Variants in ANKRD46 observed in about 807,000 individuals in gnomAD.
ANKRD46 encodes ankyrin repeat domain-containing protein 46.
ANKRD46 carries 13 observed loss-of-function variants against 19.8 expected under a neutral mutation model. That is an observed-to-expected ratio of 0.66 (90% CI 0.43 to 1.04). The LOEUF (loss-of-function observed/expected upper bound fraction) is 1.04. ANKRD46 is among the 50% of genes least tolerant of loss of function. ANKRD46 has a pLI of 0.00. For missense variants in ANKRD46, 185 were observed against 274.8 expected (o/e 0.67, Z 2.31); for synonymous variants, 91 against 106.9 (o/e 0.85, Z 0.92).
At position 100,521,561 on chromosome 8, in the gene ANKRD46, A is replaced by C. The variant is rs1174277243; in HGVS notation, c.*994T>G. 1.0e-6 allele frequency: 1 copy of C among 985,334 alleles called. No individual in the cohort carries two copies. The allele number at this position is 985,334 out of a possible 1,614,324, so 61.0% of individuals were successfully genotyped here. A position where few individuals can be genotyped will look rare whatever the true frequency, so the allele number is the denominator to read the frequency against. ...AGCACTGTTAACTCAGAAATGCTCC[A>C]TCCATTCTTGCCATCAGAGAATTAC... On this transcript the variant is annotated 3_prime_UTR_variant, in exon 5 of 5. Transcript: ENST00000335659.
chr8:100,538,073 G>A (rs1332076508), intron 1 of ANKRD46, among the ~76,000 whole-genome samples: 6 of 152,144 alleles, frequency 3.9e-5, no homozygotes, highest in Non-Finnish European at 8.8e-5. Context: ...CTGGCTGACT[G>A]CAATGCCTGG....
intron 5 of ANKRD46, among the ~76,000 whole-genome samples, chr8:100,513,731 G>A (rs1407201355): frequency 1.3e-5 from 2 of 152,218 alleles, no homozygotes; most frequent in African/African-American, 2.4e-5. Context: ...CCAAACTTAA[G>A]TTATAGTGTA....
chr8:100,526,601 T>C (rs1166292790), intron 4 of ANKRD46, among the ~76,000 whole-genome samples: 3 of 152,200 alleles, frequency 2.0e-5, no homozygotes, highest in Non-Finnish European at 2.9e-5. Context: ...AAGAGGAGTA[T>C]GCACTGTTCC....
At chr8:100,552,434 T>C (rs1015929050) in intron 1 of ANKRD46, among the ~76,000 whole-genome samples, 2 of 152,022 alleles carry the variant, frequency 1.3e-5, no homozygotes, top group Non-Finnish European at 2.9e-5. Flanking sequence ...GAATTTAATA[T>C]ATTATTTTGA....
rs1811811147 is a variant in ANKRD46, at chr8:100,524,895, T to C, written c.471-2124A>G. On this transcript the variant is annotated intron_variant, in intron 4 of 4. Coordinates refer to ENST00000335659, the MANE Select transcript of ANKRD46 (RefSeq NM_001270377.2). The surrounding 1 kb of genome is among the most constrained non-coding windows in gnomAD (Gnocchi z 4.3). ...CTAACATAATGGGGTGTGTGTATAATCTTTTTTTAAAAACGTGATATCTAC... is the reference window on the plus strand; with the variant it reads ...CTAACATAATGGGGTGTGTGTATAACCTTTTTTTAAAAACGTGATATCTAC... Among the ~76,000 whole-genome samples the C allele has an allele frequency of 6.6e-6, 1 of 150,406 alleles. No homozygotes were observed.
At chr8:100,535,887 A>G (rs563989829) in intron 1 of ANKRD46, among the ~76,000 whole-genome samples, 4 of 152,304 alleles carry the variant, frequency 2.6e-5, no homozygotes, top group African/African-American at 9.6e-5. Flanking sequence ...GTAAATCTTC[A>G]TTTCTCTAGG....
rs1227680369 is a variant in ANKRD46, at chr8:100,537,943, C to T, written c.-130-4632G>A. Among the ~76,000 whole-genome samples the T allele has an allele frequency of 6.6e-6, 1 of 152,084 alleles. No individual in the cohort carries two copies. The highest frequency in any genetic ancestry group is 2.4e-5 in the African/African-American group (1 of 41,412). ...ATGCCCTGCAGCTGCTGTAAGTTGT[C>T]AAGATAACCAGGAGAAAACAGTTCA... is the stretch of plus-strand genomic sequence containing the variant. On this transcript the variant is annotated intron_variant, in intron 1 of 4. Transcript: ENST00000335659. This position sits in a 1 kb window ranked among gnomAD's most constrained non-coding sequence, Gnocchi z 4.2.
In ANKRD46 at chr8:100,544,502, T is replaced by C. The variant is rs1812233847; in HGVS notation, c.-130-11191A>G. The stretch of plus-strand genomic sequence containing the variant: ...AAAACAATCAAGTGATCTTAAGTGA[T>C]AAATAGCGAAGGCAGACTTCCAGAC... On this transcript the variant is annotated intron_variant, in intron 1 of 4. Transcript: ENST00000335659. This position sits in a 1 kb window ranked among gnomAD's most constrained non-coding sequence, Gnocchi z 4.4. 6.6e-6 allele frequency among the ~76,000 whole-genome samples: 1 copy of C among 152,200 alleles called. No individual in the cohort carries two copies. The highest frequency in any genetic ancestry group is 2.4e-5 in the African/African-American group (1 of 41,454).
At position 100,522,524 on chromosome 8, in the gene ANKRD46, C is replaced by T; in HGVS notation, c.*31G>A. ...CAAACATTGGAAGCCAGGAAACAGG[C>T]AATTAATTGCCTCATCTTCCATGAG... On this transcript the variant is annotated 3_prime_UTR_variant, in exon 5 of 5. Coordinates refer to ENST00000335659, the MANE Select transcript of ANKRD46 (RefSeq NM_001270377.2). 1 of 1,609,788 alleles carries T rather than the reference C, an allele frequency of 6.2e-7. No homozygotes were observed.
Position 100,522,870 on chromosome 8 carries a change from C to T in ANKRD46, c.471-99G>A, listed in dbSNP as rs1461084060. On this transcript the variant is annotated intron_variant, in intron 4 of 4. Transcript: ENST00000335659. ...CTATTTAGAAAAGACCAAATACACA[C>T]ACACACACACACACACACACACACA... 6.0e-5 allele frequency: 31 copies of T among 513,264 alleles called. No individual in the cohort carries two copies. In the East Asian group the frequency reaches 1.0e-3, roughly 17 times the overall value. The allele number at this position is 513,264 out of a possible 1,614,324, so 31.8% of individuals were successfully genotyped here. A position where few individuals can be genotyped will look rare whatever the true frequency, so the allele number is the denominator to read the frequency against.
downstream of ANKRD46, among the ~76,000 whole-genome samples, chr8:100,516,017 C>G (rs1468833403): frequency 6.6e-6 from 1 of 152,122 alleles, no homozygotes; most frequent in Non-Finnish European, 1.5e-5. Flanking sequence ...GGATTACAGG[C>G]ATGCGCCACC....
At chr8:100,518,601 C>T (rs1793595457), downstream of ANKRD46, among the ~76,000 whole-genome samples, 1 of 152,122 alleles carries the variant, frequency 6.6e-6, no homozygotes, top group Non-Finnish European at 1.5e-5. Flanking sequence ...CCTGTAATCC[C>T]AGCACTTTGG....
In ANKRD46 at chr8:100,543,707, C is replaced by A. The variant is rs894715421; in HGVS notation, c.-130-10396G>T. On this transcript the variant is annotated intron_variant, in intron 1 of 4. Transcript: ENST00000335659. The surrounding 1 kb of genome is among the most constrained non-coding windows in gnomAD (Gnocchi z 4.2). ...TGAACTATAATATGAAATGTTATAT[C>A]TTAAACTGTAGAGAAGTATAAGAAA... Among the ~76,000 whole-genome samples the A allele has an allele frequency of 5.3e-5, 8 of 152,094 alleles. No individual in the cohort carries two copies. The highest frequency in any genetic ancestry group is 1.5e-5 in the Non-Finnish European group (1 of 68,014).
Position 100,534,836 on chromosome 8 carries a change from C to T in ANKRD46, c.-130-1525G>A, listed in dbSNP as rs1586790032. Among the ~76,000 whole-genome samples, 1 of 152,190 alleles carries T rather than the reference C, an allele frequency of 6.6e-6. No individual in the cohort carries two copies. Among genetic ancestry groups the T allele is most frequent in the East Asian group, 1.9e-4 (1 of 5,192 alleles). ...TGGTGCCGGAGTGCAGTGGTGCAAT[C>T]TCGACTCACCTGCAGAGGCCTCCGC... On this transcript the variant is annotated intron_variant, in intron 1 of 4. Coordinates refer to ENST00000335659, the MANE Select transcript of ANKRD46 (RefSeq NM_001270377.2). This position sits in a 1 kb window ranked among gnomAD's most constrained non-coding sequence, Gnocchi z 4.2.
chr8:100,517,440 GCAATATTCT>G (rs1422676043), downstream of ANKRD46, among the ~76,000 whole-genome samples: 14 of 152,328 alleles, frequency 9.2e-5, no homozygotes, highest in African/African-American at 3.4e-4. Context: ...CATCCTCCAA[GCAATATTCT>G]CTAAATACTG....
rs2130690220 is a variant in ANKRD46 at position 100,543,830 on chromosome 8, A to T, written c.-130-10519T>A. 6.6e-6 allele frequency among the ~76,000 whole-genome samples: 1 copy of T among 152,356 alleles called. No homozygotes were observed. The highest frequency in any genetic ancestry group is 2.1e-4 in the South Asian group (1 of 4,828). On this transcript the variant is annotated intron_variant, in intron 1 of 4. Transcript: ENST00000335659. This position sits in a 1 kb window ranked among gnomAD's most constrained non-coding sequence, Gnocchi z 4.2. Reference sequence around the variant, plus strand: ...GCATGTCTTCTTCAGTGATACTATCAAAATAAATCTATTCCAAATACATCT... The same window carrying T: ...GCATGTCTTCTTCAGTGATACTATCTAAATAAATCTATTCCAAATACATCT...
At position 100,511,228 on chromosome 8, in the gene ANKRD46, G is replaced by T. The variant is rs930277091; in HGVS notation, c.637-589C>A. Among the ~76,000 whole-genome samples, 1 of 152,150 alleles carries T rather than the reference G, an allele frequency of 6.6e-6. No homozygotes were observed. Among genetic ancestry groups the T allele is most frequent in the Non-Finnish European group, 1.5e-5 (1 of 68,034 alleles). On this transcript the variant is annotated intron_variant, in intron 5 of 5. Transcript: ENST00000520552. The surrounding 1 kb of genome is among the most constrained non-coding windows in gnomAD (Gnocchi z 4.1). ...CCATTGAACAGATGGTGTACCTAAG[G>T]CTAGGGGAGCAGGGGTAGGTAACCT...
In ANKRD46 at chr8:100,558,674, T is replaced by TA. The variant is rs529255917; in HGVS notation, c.-131+1036dup. On this transcript the variant is annotated intron_variant, in intron 1 of 4. Transcript: ENST00000335659. The stretch of plus-strand genomic sequence containing the variant: ...CTACAAATCTAATTGATAAAACTCT[T>TA]AGACAGCGCTACATGTTTGGCTAGA... 1.1e-4 allele frequency among the ~76,000 whole-genome samples: 17 copies of TA among 152,302 alleles called. No homozygotes were observed. The South Asian group carries it at 3.5e-3, about 32-fold the overall frequency.
chr8:100,518,857 A>T (rs1032198753), downstream of ANKRD46, among the ~76,000 whole-genome samples: 3 of 126,426 alleles, frequency 2.4e-5, no homozygotes, highest in Non-Finnish European at 5.4e-5. Flanking sequence ...GTCTCAAAAA[A>T]AAAAAATAAA....
Sources: allele counts gnomAD v4.1 joint callset (sites outside exome capture counted in the v4.1 genomes callset), GRCh38; gene constraint gnomAD v4.1.1; non-coding constraint Gnocchi (gnomAD v3.1); transcripts MANE v1.5; gene names NCBI Gene and HGNC (gene_info 2026-07-23, HGNC 2026-07-21).